CTIF: variants seen among roughly 807,000 people sequenced by gnomAD.
CTIF encodes CBP80/20-dependent translation initiation factor.
CTIF carries 21 observed loss-of-function variants against 66.0 expected under a neutral mutation model. The observed-to-expected ratio is 0.32, with a 90% confidence interval of 0.23 to 0.46. The LOEUF is 0.46. Among genes scored for constraint, CTIF ranks in the 20% least tolerant of loss-of-function variants. The probability of loss-of-function intolerance (pLI) is 1.00; values close to 1 mark genes in which losing one functional copy is unlikely to be tolerated. For synonymous variants in CTIF, 345 were observed against 326.4 expected (o/e 1.06, Z -0.62); for missense variants, 739 against 812.7 (o/e 0.91, Z 1.10).
intron 1 of CTIF, among the ~76,000 whole-genome samples, chr18:48,578,821 C>T (rs187928519): frequency 1.3e-5 from 2 of 152,302 alleles, no homozygotes; most frequent in African/African-American, 4.8e-5. Context: ...TGCTTTGAAG[C>T]ATACATATTT....
intron 1 of CTIF, among the ~76,000 whole-genome samples, chr18:48,578,499 T>C (rs1435786159): frequency 6.6e-6 from 1 of 152,228 alleles, no homozygotes; most frequent in South Asian, 2.1e-4. Context: ...TATTATGTCT[T>C]TTTGATTATA....
chr18:48,670,740 G>C lies in CTIF; in HGVS notation c.503G>C (p.Trp168Ser), dbSNP rs749628840. The change falls in exon 6 of 12, where the codon TGG (tryptophan) becomes TCG (serine). Residue 168 changes from tryptophan to serine, a missense_variant. Physicochemically the swap from Trp to Ser is radical, Grantham distance 177. Transcript: ENST00000256413. ...GACATCGAGAAGGTCCTTCCAGCCT[G>C]GCAGGTAGGTGCAGGGGCAGGCTCT... ...LNDIEKVLPA[W>S]QGYHPMPHEV... 1.2e-6 allele frequency: 2 copies of C among 1,614,012 alleles called. No homozygotes were observed.
At chr18:48,631,796 T>C (rs2090721396) in intron 2 of CTIF, among the ~76,000 whole-genome samples, 1 of 152,122 alleles carries the variant, frequency 6.6e-6, no homozygotes, top group Non-Finnish European at 1.5e-5. Flanking sequence ...TGATGACCTT[T>C]TCAAGTAAGA....
chr18:48,607,831 T>C (rs2090232056), intron 1 of CTIF, among the ~76,000 whole-genome samples: 1 of 152,224 alleles, frequency 6.6e-6, no homozygotes, highest in Non-Finnish European at 1.5e-5. Context: ...CCATCTTCTA[T>C]AATAGCTGTG....
At chr18:48,775,854 C>T (rs2146003418) in intron 9 of CTIF, among the ~76,000 whole-genome samples, 1 of 152,314 alleles carries the variant, frequency 6.6e-6, no homozygotes, top group South Asian at 2.1e-4. Context: ...GAGGTACCGC[C>T]AGCCTGGCGG....
chr18:48,855,677 G>C (rs2069312000), intron 10 of CTIF, among the ~76,000 whole-genome samples: 1 of 152,224 alleles, frequency 6.6e-6, no homozygotes, highest in Non-Finnish European at 1.5e-5. Flanking sequence ...TGGGGACCAG[G>C]ATGACGCATC....
At chr18:48,843,717 G>A (rs981981630) in intron 10 of CTIF, among the ~76,000 whole-genome samples, 1 of 152,172 alleles carries the variant, frequency 6.6e-6, no homozygotes, top group Non-Finnish European at 1.5e-5. Context: ...GAGTGGAAAG[G>A]ATGCTTTTAC....
chr18:48,652,931 C>A (rs984717252), intron 3 of CTIF, among the ~76,000 whole-genome samples: 2 of 152,188 alleles, frequency 1.3e-5, no homozygotes, highest in Non-Finnish European at 2.9e-5. Context: ...TTCAACAGCC[C>A]TTCATGCTAA....
chr18:48,589,520 T>C (rs2089843762), intron 1 of CTIF, among the ~76,000 whole-genome samples: 1 of 152,240 alleles, frequency 6.6e-6, no homozygotes, highest in Admixed American at 6.5e-5. Flanking sequence ...TAAGGCCACA[T>C]TCACAGGTCC....
chr18:48,717,482 A>G (rs893890265), intron 7 of CTIF, among the ~76,000 whole-genome samples: 6 of 152,040 alleles, frequency 3.9e-5, no homozygotes, highest in African/African-American at 1.4e-4. Flanking sequence ...TTCCTCTGCC[A>G]ACGTGAACCC....
intron 6 of CTIF, among the ~76,000 whole-genome samples, chr18:48,673,872 C>T (rs746970082): frequency 1.2e-4 from 18 of 152,202 alleles, no homozygotes; most frequent in African/African-American, 3.9e-4. Context: ...ACAGTTGTTT[C>T]GGTGTGGCCC....
chr18:48,632,890 G>T lies in CTIF; in HGVS notation c.181-3724G>T, dbSNP rs59776478. Among the ~76,000 whole-genome samples, 707 of 152,296 alleles carry T rather than the reference G, an allele frequency of 4.6e-3. 3 individuals carry two copies. The highest frequency in any genetic ancestry group is 0.016 in the African/African-American group (679 of 41,560). On this transcript the variant is annotated intron_variant, in intron 2 of 11. Transcript: ENST00000256413. The stretch of plus-strand genomic sequence containing the variant: ...GCCCCACACAGAAGGCACTCAGGAA[G>T]TGACTTTTGGTTGGCAAATGTACAG...
chr18:48,591,868 C>T (rs1268285277), intron 1 of CTIF, among the ~76,000 whole-genome samples: 3 of 152,204 alleles, frequency 2.0e-5, no homozygotes, highest in Non-Finnish European at 4.4e-5. Context: ...CCACCTCAGC[C>T]TCCTAAGCAG....
At position 48,716,222 on chromosome 18, in the gene CTIF, C is replaced by T. The variant is rs1311385801; in HGVS notation, c.584+4527C>T. 4.6e-5 allele frequency among the ~76,000 whole-genome samples: 7 copies of T among 152,196 alleles called. No homozygotes were observed. The East Asian group carries it at 1.2e-3, about 25-fold the overall frequency. ...AATACGGGAAGTATAGGGTGTGGCC[C>T]CTGCTCTCGAGGGCCTGAGCTGTAG... On this transcript the variant is annotated intron_variant, in intron 7 of 11. Coordinates refer to ENST00000256413, the MANE Select transcript of CTIF (RefSeq NM_014772.3).
At chr18:48,694,106 C>T (rs1202687637) in intron 6 of CTIF, among the ~76,000 whole-genome samples, 1 of 152,230 alleles carries the variant, frequency 6.6e-6, no homozygotes, top group Non-Finnish European at 1.5e-5. Flanking sequence ...GTTGGGGTGG[C>T]AGGTGCTGCT....
At chr18:48,594,065 C>A (rs7239821) in intron 1 of CTIF, among the ~76,000 whole-genome samples, 2 of 150,342 alleles carry the variant, frequency 1.3e-5, no homozygotes, top group East Asian at 4.0e-4. Flanking sequence ...CACAAGCCCC[C>A]CCTCCTATCT....
intron 3 of CTIF, among the ~76,000 whole-genome samples, 183 bp from the exon 4 acceptor site, chr18:48,663,569 G>A (rs2091382194): frequency 6.6e-6 from 1 of 152,000 alleles, no homozygotes; most frequent in South Asian, 2.1e-4. Flanking sequence ...GTGAAACGAG[G>A]GCCTATGCCT....
At chr18:48,603,256 G>A (rs781292501) in intron 1 of CTIF, among the ~76,000 whole-genome samples, 16 of 151,086 alleles carry the variant, frequency 1.1e-4, no homozygotes, top group Admixed American at 2.0e-4. Flanking sequence ...ATGAATGGAT[G>A]GATGGATGCA....
chr18:48,703,060 G>A (rs139927856), intron 6 of CTIF, among the ~76,000 whole-genome samples: 1,530 of 152,288 alleles, frequency 0.01, 14 homozygotes, highest in Middle Eastern at 0.068. Context: ...CCCTTGGGAT[G>A]TCTACCCAGG....
Sources: allele counts gnomAD v4.1 joint callset (sites outside exome capture counted in the v4.1 genomes callset), GRCh38; gene constraint gnomAD v4.1.1; transcripts MANE v1.5; gene names NCBI Gene and HGNC (gene_info 2026-07-23, HGNC 2026-07-21).